SLC8A1: variants seen among roughly 807,000 people sequenced by gnomAD.
SLC8A1 encodes the protein sodium/calcium exchanger 1.
SLC8A1 carries 18 observed loss-of-function variants against 68.3 expected under a neutral mutation model. The ratio of observed to expected loss-of-function variants is 0.26; its 90% CI spans 0.18 to 0.39. SLC8A1 has a LOEUF of 0.39. SLC8A1 is among the 10% of genes least tolerant of loss of function. SLC8A1 has a pLI of 1.00. For synonymous variants in SLC8A1, 475 were observed against 415.5 expected (o/e 1.14, Z -1.74); for missense variants, 985 against 1,156.7 (o/e 0.85, Z 2.15).
At position 40,239,268 on chromosome 2, in the gene SLC8A1, A is replaced by G. The variant is rs549328307; in HGVS notation, c.1809-61413T>C. Among the ~76,000 whole-genome samples the G allele has an allele frequency of 2.0e-5, 3 of 152,294 alleles. No individual in the cohort carries two copies. The South Asian group carries it at 6.2e-4, about 32-fold the overall frequency. On this transcript the variant is annotated intron_variant, in intron 2 of 7. Transcript: ENST00000406785. ...TAGTGTCTATCTTTAATATTGCCCA[A>G]TCACTACTCCTATTGTTGATGGAAG...
intron 2 of SLC8A1, among the ~76,000 whole-genome samples, chr2:40,334,554 T>C (rs1665317968): frequency 6.6e-6 from 1 of 152,150 alleles, no homozygotes; most frequent in South Asian, 2.1e-4. Context: ...AATAAAATCA[T>C]TATCTGTGAT....
intron 6 of SLC8A1, among the ~76,000 whole-genome samples, chr2:40,143,807 C>T (rs889406618): frequency 6.6e-6 from 1 of 152,138 alleles, no homozygotes; most frequent in Non-Finnish European, 1.5e-5. Context: ...CTTTACGTGT[C>T]TCTCTACCTG....
intron 1 of SLC8A1, among the ~76,000 whole-genome samples, chr2:40,460,114 A>G (rs1236720228): frequency 6.6e-6 from 1 of 152,218 alleles, no homozygotes; most frequent in Non-Finnish European, 1.5e-5. Context: ...TACAACTCAT[A>G]TACTGTGCTT....
chr2:40,348,384 G>A (rs776977354), intron 2 of SLC8A1, among the ~76,000 whole-genome samples: 2 of 152,112 alleles, frequency 1.3e-5, no homozygotes, highest in African/African-American at 2.4e-5. Context: ...AAAAAGAGAA[G>A]ATCAGATCTC....
At chr2:40,204,890 T>C (rs2055094982) in intron 2 of SLC8A1, among the ~76,000 whole-genome samples, 1 of 152,024 alleles carries the variant, frequency 6.6e-6, no homozygotes. Context: ...ATGTCAGTGA[T>C]TTAATAGCTA....
At chr2:40,329,239 A>C (rs1404371428) in intron 2 of SLC8A1, among the ~76,000 whole-genome samples, 3 of 152,094 alleles carry the variant, frequency 2.0e-5, no homozygotes, top group African/African-American at 7.2e-5. Flanking sequence ...GGTCCAACCA[A>C]ATGTTATCAG....
intron 2 of SLC8A1, among the ~76,000 whole-genome samples, chr2:40,376,896 T>C (rs1003074889): frequency 2.0e-5 from 3 of 152,126 alleles, no homozygotes; most frequent in Non-Finnish European, 4.4e-5. Flanking sequence ...ATAATTACCA[T>C]GCCCTCTATT....
chr2:40,277,926 T>C (rs143239022), intron 2 of SLC8A1, among the ~76,000 whole-genome samples: 1 of 151,274 alleles, frequency 6.6e-6, no homozygotes, highest in East Asian at 1.9e-4. Flanking sequence ...ACCAACATCA[T>C]AACATAAATA....
intron 2 of SLC8A1, among the ~76,000 whole-genome samples, chr2:40,264,970 G>A (rs1046156294): frequency 1.3e-5 from 2 of 152,130 alleles, no homozygotes; most frequent in African/African-American, 4.8e-5. Flanking sequence ...ATGAGCACAG[G>A]GGAAGATACA....
intron 1 of SLC8A1, among the ~76,000 whole-genome samples, chr2:40,510,393 C>G (rs972008515): frequency 5.9e-5 from 9 of 152,158 alleles, no homozygotes; most frequent in African/African-American, 1.4e-4. Context: ...AAAACAGGAG[C>G]AGACATTTCT....
At chr2:40,156,607 G>A (rs2044556231) in intron 6 of SLC8A1, among the ~76,000 whole-genome samples, 1 of 151,906 alleles carries the variant, frequency 6.6e-6, no homozygotes, top group Non-Finnish European at 1.5e-5. Context: ...TTGTTCTTCA[G>A]GGAATTGACT....
chr2:40,385,033 C>T (rs1477002), intron 2 of SLC8A1, among the ~76,000 whole-genome samples: 111,591 of 151,978 alleles, frequency 0.73, 42,354 homozygotes, highest in African/African-American at 0.93. Context: ...TTATAAAATA[C>T]ATTTCTAAAA....
intron 7 of SLC8A1, among the ~76,000 whole-genome samples, chr2:40,131,518 TG>T (rs1305606979): frequency 6.6e-6 from 1 of 152,236 alleles, no homozygotes; most frequent in African/African-American, 2.4e-5. Context: ...TGGGCATTTT[TG>T]TGTTCGCTCC....
chr2:40,352,728 T>TAGTC (rs372631110), intron 2 of SLC8A1, among the ~76,000 whole-genome samples: 19 of 152,338 alleles, frequency 1.2e-4, no homozygotes, highest in African/African-American at 3.4e-4. Context: ...AGTCACATTT[T>TAGTC]AGTCAGTAAA....
intron 7 of SLC8A1, among the ~76,000 whole-genome samples, chr2:40,128,958 C>G (rs959057249): frequency 6.6e-6 from 1 of 152,142 alleles, no homozygotes; most frequent in Non-Finnish European, 1.5e-5. Context: ...TCAGAAAGTA[C>G]ATCAGTGGTT....
At chr2:40,337,076 G>A (rs1323588109) in intron 2 of SLC8A1, among the ~76,000 whole-genome samples, 1 of 152,118 alleles carries the variant, frequency 6.6e-6, no homozygotes, top group African/African-American at 2.4e-5. Flanking sequence ...AACATGGTTG[G>A]AAACAAGGCA....
At chr2:40,125,468 C>T (rs1389877076) in intron 7 of SLC8A1, among the ~76,000 whole-genome samples, 1 of 152,150 alleles carries the variant, frequency 6.6e-6, no homozygotes, top group Non-Finnish European at 1.5e-5. Context: ...GTGTTTGTGT[C>T]TTCATTTTCC....
intron 1 of SLC8A1, among the ~76,000 whole-genome samples, chr2:40,479,017 C>T (rs575871086): frequency 6.6e-6 from 1 of 152,130 alleles, no homozygotes; most frequent in Admixed American, 6.5e-5. Flanking sequence ...GGTGATCCGC[C>T]TGCCTCGACC....
intron 2 of SLC8A1, chr2:40,213,029 A>G (rs2056883242): frequency 6.6e-6 from 1 of 152,210 alleles, no homozygotes; most frequent in African/African-American, 2.4e-5. Flanking sequence ...GCAGATCAAT[A>G]CTGACCAGAA....
Sources: gnomAD v4.1 joint callset for allele counts (sites outside exome capture counted in the v4.1 genomes callset) on GRCh38, gnomAD v4.1.1 for gene constraint, MANE v1.5 for transcripts, NCBI Gene and HGNC (gene_info 2026-07-23, HGNC 2026-07-21) for gene names.